Variants in BMPER observed in about 807,000 individuals in gnomAD.
BMPER encodes the protein BMP-binding endothelial regulator protein.
BMPER carries 45 observed loss-of-function variants against 87.3 expected under a neutral mutation model. That is an observed-to-expected ratio of 0.52 (90% CI 0.41 to 0.66). The LOEUF is 0.66. Among genes scored for constraint, BMPER ranks in the 30% least tolerant of loss-of-function variants. The pLI, the probability that BMPER is intolerant of heterozygous loss-of-function variation, is 0.00. For synonymous variants in BMPER, 326 were observed against 316.2 expected, an observed-to-expected ratio of 1.03 and a Z score of -0.33; for missense variants, 784 against 867.5, an observed-to-expected ratio of 0.90 and a Z score of 1.21.
intron 6 of BMPER, among the ~76,000 whole-genome samples, chr7:34,016,193 C>T (rs1021833631): frequency 7.2e-5 from 11 of 151,820 alleles, no homozygotes; most frequent in African/African-American, 2.2e-4. Flanking sequence ...GAAAATAATG[C>T]GATGTTTGCC....
At chr7:34,055,108 T>C in intron 8 of BMPER, 55 bp from the exon 9 acceptor site, 1 of 1,612,148 alleles carries the variant, frequency 6.2e-7, no homozygotes. Context: ...CCAGGTAGGA[T>C]GTTTGGTAGA....
intron 11 of BMPER, 97 bp from the exon 12 acceptor site, chr7:34,078,760 C>A: frequency 7.8e-7 from 1 of 1,288,750 alleles, no homozygotes; most frequent in Non-Finnish European, 1.1e-6. Flanking sequence ...TAGTGCATTT[C>A]TGCTAAGGCT....
chr7:33,961,946 G>A (rs927702133), intron 3 of BMPER, among the ~76,000 whole-genome samples: 1 of 152,114 alleles, frequency 6.6e-6, no homozygotes, highest in African/African-American at 2.4e-5. Flanking sequence ...GTAAGATCCA[G>A]TTCTTTGCCA....
At chr7:34,112,494 CAGAAAAAAAAAAA>C (rs1309098679) in intron 13 of BMPER, among the ~76,000 whole-genome samples, 3 of 87,772 alleles carry the variant, frequency 3.4e-5, no homozygotes, top group Non-Finnish European at 6.6e-5. Flanking sequence ...GACTCCGTCT[CAGAAAAAAAAAAA>C]AAAAAAAAAA....
chr7:33,935,149 G>A (rs1442630369), intron 2 of BMPER, among the ~76,000 whole-genome samples: 1 of 152,170 alleles, frequency 6.6e-6, no homozygotes, highest in Admixed American at 6.5e-5. Context: ...TCTAAGGGCT[G>A]TGCCTTATAG....
chr7:33,922,388 T>C (rs1784254312), intron 2 of BMPER, among the ~76,000 whole-genome samples: 1 of 152,204 alleles, frequency 6.6e-6, no homozygotes, highest in Admixed American at 6.5e-5. Context: ...GATACTGAAA[T>C]ATACAAAAGG....
intron 6 of BMPER, among the ~76,000 whole-genome samples, chr7:33,984,249 C>T (rs188580282): frequency 1.1e-4 from 17 of 152,084 alleles, no homozygotes; most frequent in South Asian, 2.1e-4. Flanking sequence ...GGGTGGATCA[C>T]GAGGTCAGGA....
intron 3 of BMPER, among the ~76,000 whole-genome samples, chr7:33,963,066 T>G (rs1369276296): frequency 6.6e-6 from 1 of 152,218 alleles, no homozygotes; most frequent in Non-Finnish European, 1.5e-5. Context: ...GCACCTGGAT[T>G]CTAGTGTTAG....
At chr7:33,956,709 C>T (rs907130288) in intron 3 of BMPER, among the ~76,000 whole-genome samples, 7 of 152,144 alleles carry the variant, frequency 4.6e-5, no homozygotes, top group African/African-American at 1.7e-4. Context: ...ATAATAAATA[C>T]GTTTTCTCTT....
intron 6 of BMPER, among the ~76,000 whole-genome samples, chr7:33,992,452 T>C (rs1160959536): frequency 7.0e-6 from 1 of 142,202 alleles, no homozygotes; most frequent in African/African-American, 2.6e-5. Context: ...CTGCCTTTTT[T>C]TGTTTTCCAT....
chr7:33,998,183 A>G (rs1029657462), intron 6 of BMPER, among the ~76,000 whole-genome samples: 11 of 152,230 alleles, frequency 7.2e-5, no homozygotes, highest in African/African-American at 2.4e-4. Context: ...CTAAAGACAC[A>G]AAATTCCAAT....
intron 13 of BMPER, among the ~76,000 whole-genome samples, chr7:34,089,375 G>A (rs887753994): frequency 2.0e-5 from 3 of 151,846 alleles, no homozygotes; most frequent in African/African-American, 7.3e-5. Context: ...AATCCCACAG[G>A]GCAAATTCTA....
chr7:33,923,980 C>T (rs930494963), intron 2 of BMPER, among the ~76,000 whole-genome samples: 1 of 152,164 alleles, frequency 6.6e-6, no homozygotes, highest in African/African-American at 2.4e-5. Flanking sequence ...TATGTTCCCA[C>T]ACCCCCACCT....
At chr7:34,130,073 TC>T (rs1372690661) in intron 13 of BMPER, among the ~76,000 whole-genome samples, 1 of 152,182 alleles carries the variant, frequency 6.6e-6, no homozygotes, top group Non-Finnish European at 1.5e-5. Flanking sequence ...CCTGTTTTCT[TC>T]CTGATATTAT....
At chr7:33,942,285 T>A (rs1274174077) in intron 3 of BMPER, among the ~76,000 whole-genome samples, 2 of 152,160 alleles carry the variant, frequency 1.3e-5, no homozygotes, top group South Asian at 4.1e-4. Context: ...AGCAAGATGA[T>A]CATCCTCTTC....
intron 11 of BMPER, among the ~76,000 whole-genome samples, chr7:34,072,065 C>T (rs181242108): frequency 4.6e-4 from 70 of 152,202 alleles, no homozygotes; most frequent in African/African-American, 1.7e-3. Flanking sequence ...AACTATTGGC[C>T]GAGTAACCAT....
In BMPER at chr7:34,153,117, G is replaced by C. The variant is rs150768568; in HGVS notation, c.1902G>C (p.Val634=). Residue 634 remains valine (V), a synonymous_variant, in exon 15 of 15, where the codon GTG becomes GTC. Coordinates refer to ENST00000649409, the MANE Select transcript of BMPER (RefSeq NM_001365308.1). ...CCACCCAGTGTAAGCATGGTGCTGT[G>C]TACGATACCTGTGGTCCGGGATGTA... is the stretch of plus-strand genomic sequence containing the variant. ...CAATQCKHGA[V]YDTCGPGCIK... 3.9e-4 allele frequency: 636 copies of C among 1,613,928 alleles called. 1 individual carries two copies. The highest frequency in any genetic ancestry group is 4.9e-4 in the Non-Finnish European group (583 of 1,179,966).
At chr7:33,999,804 TAG>T (rs1265140443) in intron 6 of BMPER, among the ~76,000 whole-genome samples, 1 of 152,216 alleles carries the variant, frequency 6.6e-6, no homozygotes, top group Non-Finnish European at 1.5e-5. Flanking sequence ...AGGGAGGCCA[TAG>T]AGAGCACATC....
chr7:34,091,371 T>G (rs982839012), intron 13 of BMPER, among the ~76,000 whole-genome samples: 1 of 152,248 alleles, frequency 6.6e-6, no homozygotes, highest in African/African-American at 2.4e-5. Context: ...TGTAATGACT[T>G]GTCAAGAACT....
Sources: allele counts gnomAD v4.1 joint callset (sites outside exome capture counted in the v4.1 genomes callset), GRCh38; gene constraint gnomAD v4.1.1; transcripts MANE v1.5; gene names NCBI Gene and HGNC (gene_info 2026-07-23, HGNC 2026-07-21).